The following FOXN2 variants were observed in gnomAD, a reference collection of about 807,000 sequenced individuals.
FOXN2 encodes forkhead box N2, also known as forkhead box protein N2.
FOXN2 carries 19 observed loss-of-function variants against 41.2 expected under a neutral mutation model. That is an observed-to-expected ratio of 0.46 (90% confidence interval 0.32 to 0.68). The LOEUF is 0.68. FOXN2 is among the 30% of genes least tolerant of loss of function. The pLI is 0.03. For missense variants in FOXN2, 587 were observed against 509.4 expected (o/e 1.15, Z -1.47); for synonymous variants, 195 against 176.8 (o/e 1.10, Z -0.82).
At chr2:48,318,148 C>G (rs928898337) in intron 1 of FOXN2, among the ~76,000 whole-genome samples, 2 of 152,132 alleles carry the variant, frequency 1.3e-5, no homozygotes, top group Non-Finnish European at 2.9e-5. Context: ...CACCCAGTTT[C>G]TCCTGTTCAA....
intron 3 of FOXN2, among the ~76,000 whole-genome samples, chr2:48,348,040 A>G (rs1439367667): frequency 6.6e-6 from 1 of 150,428 alleles, no homozygotes; most frequent in Non-Finnish European, 1.5e-5. Context: ...TAGATGTGTT[A>G]TTCTTTATTT....
At chr2:48,374,359 G>C (rs528971646) in intron 6 of FOXN2, among the ~76,000 whole-genome samples, 4 of 152,178 alleles carry the variant, frequency 2.6e-5, no homozygotes, top group African/African-American at 9.6e-5. Flanking sequence ...TAACTTTTTT[G>C]TCCATAAAAT....
intron 6 of FOXN2, among the ~76,000 whole-genome samples, chr2:48,373,702 A>G (rs1005193110): frequency 1.3e-5 from 2 of 152,202 alleles, no homozygotes; most frequent in African/African-American, 4.8e-5. Context: ...TTTCTTTAAG[A>G]TACAAAATGC....
intron 6 of FOXN2, among the ~76,000 whole-genome samples, chr2:48,374,063 C>T: frequency 6.7e-6 from 1 of 150,276 alleles, no homozygotes; most frequent in Admixed American, 6.7e-5. Context: ...GAGTGAGACT[C>T]TGTCTCCAAA....
chr2:48,362,896 A>G (rs981574048), intron 5 of FOXN2, among the ~76,000 whole-genome samples, 189 bp downstream of exon 5: 3 of 152,348 alleles, frequency 2.0e-5, no homozygotes, highest in African/African-American at 7.2e-5. Flanking sequence ...ATGCTGGTGC[A>G]AGCGGACTCA....
At chr2:48,363,322 A>G (rs1459852287) in intron 5 of FOXN2, among the ~76,000 whole-genome samples, 1 of 152,190 alleles carries the variant, frequency 6.6e-6, no homozygotes, top group Non-Finnish European at 1.5e-5. Flanking sequence ...AAATATTTTT[A>G]TACAGCTGTA....
intron 2 of FOXN2, among the ~76,000 whole-genome samples, chr2:48,341,552 T>C (rs1670776772): frequency 6.6e-6 from 1 of 152,154 alleles, no homozygotes; most frequent in Non-Finnish European, 1.5e-5. Context: ...CAGTTTAGGA[T>C]TTTAAAAAGA....
At chr2:48,336,121 T>C (rs1429883455) in intron 2 of FOXN2, among the ~76,000 whole-genome samples, 2 of 151,774 alleles carry the variant, frequency 1.3e-5, no homozygotes, top group Non-Finnish European at 2.9e-5. Context: ...CTTTTTATTG[T>C]TGCTTGGCAC....
At chr2:48,364,341 C>G (rs1212728951) in intron 5 of FOXN2, among the ~76,000 whole-genome samples, 1 of 152,166 alleles carries the variant, frequency 6.6e-6, no homozygotes, top group Non-Finnish European at 1.5e-5. Flanking sequence ...CATCTTCCCA[C>G]CTTAGCCTCC....
At chr2:48,372,512 A>G (rs956832171) in intron 5 of FOXN2, among the ~76,000 whole-genome samples, 63 of 152,240 alleles carry the variant, frequency 4.1e-4, no homozygotes, top group African/African-American at 1.3e-3. Flanking sequence ...CTAATTATTA[A>G]TGGTGTAATT....
Position 48,377,047 on chromosome 2 carries a change from A to G in FOXN2, c.*1604A>G, listed in dbSNP as rs543244091. Reference sequence around the variant, plus strand: ...AATGATTTTAAAAACTTTTTTTTCAATTGACAAGACTTTAAGTCAGGGATA... The same window carrying G: ...AATGATTTTAAAAACTTTTTTTTCAGTTGACAAGACTTTAAGTCAGGGATA... On this transcript the variant is annotated 3_prime_UTR_variant, in exon 7 of 7. Coordinates refer to ENST00000340553, the MANE Select transcript of FOXN2 (RefSeq NM_002158.4). 1.3e-5 allele frequency: 2 copies of G among 152,122 alleles called. No individual in the cohort carries two copies. Among genetic ancestry groups the G allele is most frequent in the South Asian group, 2.1e-4 (1 of 4,830 alleles). 9.4% of individuals were successfully genotyped at this position (152,122 alleles called of 1,614,324 possible).
At chr2:48,363,897 G>C (rs544086023) in intron 5 of FOXN2, among the ~76,000 whole-genome samples, 9 of 152,082 alleles carry the variant, frequency 5.9e-5, no homozygotes, top group African/African-American at 2.2e-4. Flanking sequence ...ACATATTCCC[G>C]TCATTAAACA....
Position 48,334,171 on chromosome 2 carries a change from T to C in FOXN2, c.-15+5469T>C, listed in dbSNP as rs556440040. On this transcript the variant is annotated intron_variant, in intron 2 of 6. Coordinates refer to ENST00000340553, the MANE Select transcript of FOXN2 (RefSeq NM_002158.4). ...TCGTTTTGAGAATCTCCAACTATAG[T>C]TCTTAAGGCAGTTTTCTTTAAAAAT... Among the ~76,000 whole-genome samples, 40 of 152,318 alleles carry C rather than the reference T, an allele frequency of 2.6e-4. No homozygotes were observed. In the South Asian group the frequency reaches 4.6e-3, roughly 17 times the overall value.
intron 5 of FOXN2, among the ~76,000 whole-genome samples, chr2:48,370,696 G>A (rs1672833795): frequency 6.6e-6 from 1 of 151,974 alleles, no homozygotes; most frequent in African/African-American, 2.4e-5. Flanking sequence ...CTTTTATATT[G>A]TAGATGTTAA....
chr2:48,339,110 A>G (rs932430816), intron 2 of FOXN2, among the ~76,000 whole-genome samples: 4 of 152,218 alleles, frequency 2.6e-5, no homozygotes, highest in Admixed American at 2.0e-4. Context: ...ATATCTATAC[A>G]TTCATATTCT....
Position 48,373,311 on chromosome 2 carries a change from T to A in FOXN2, c.723T>A (p.Ala241=). 2 of 1,594,372 alleles carry A rather than the reference T, an allele frequency of 1.3e-6. No homozygotes were observed. The highest frequency in any genetic ancestry group is 2.3e-5 in the South Asian group (2 of 88,362). ...TTTCAGAATCTGATATTGATGCTGC[T>A]GCTGCAATGATGCTTTTAAATACTT... ...RNLKESDIDA[A]AAMMLLNTSI... is the part of the protein sequence containing the mutation. The change falls in exon 6 of 7, where the codon GCT becomes GCA. Residue 241 remains alanine, a synonymous_variant. Coordinates refer to ENST00000340553, the MANE Select transcript of FOXN2 (RefSeq NM_002158.4).
intron 1 of FOXN2, among the ~76,000 whole-genome samples, chr2:48,317,081 T>A (rs1280608708): frequency 6.6e-6 from 1 of 152,184 alleles, no homozygotes; most frequent in Non-Finnish European, 1.5e-5. Context: ...CATAAAATAC[T>A]TATATAAGGC....
chr2:48,322,143 T>G (rs942691611), intron 1 of FOXN2, among the ~76,000 whole-genome samples: 3 of 152,192 alleles, frequency 2.0e-5, no homozygotes, highest in Non-Finnish European at 4.4e-5. Context: ...AGATGGGGTT[T>G]CACCGTGTTG....
intron 2 of FOXN2, among the ~76,000 whole-genome samples, chr2:48,339,559 C>G (rs1219703538): frequency 6.6e-6 from 1 of 152,166 alleles, no homozygotes; most frequent in African/African-American, 2.4e-5. Context: ...TACCCAGTCT[C>G]GGATATGTCC....
Sources: gnomAD v4.1 joint callset for allele counts (sites outside exome capture counted in the v4.1 genomes callset) on GRCh38, gnomAD v4.1.1 for gene constraint, MANE v1.5 for transcripts, NCBI Gene and HGNC (gene_info 2026-07-23, HGNC 2026-07-21) for gene names.